DENND4C: variants seen among roughly 807,000 people sequenced by gnomAD.
DENND4C encodes DENN domain containing 4C.
A neutral mutation model predicts 203.0 loss-of-function variants in DENND4C; 108 were observed. The observed-to-expected ratio is 0.53, with a 90% CI of 0.46 to 0.62. The LOEUF (loss-of-function observed/expected upper bound fraction) is 0.62, where lower values mean the gene tolerates loss of function less well. Among genes scored for constraint, DENND4C ranks in the 20% least tolerant of loss-of-function variants. The pLI, the probability that DENND4C is intolerant of heterozygous loss-of-function variation, is 0.00. For missense variants in DENND4C, 2,481 were observed against 2,301.2 expected, an observed-to-expected ratio of 1.08 and a Z score of -1.60; for synonymous variants, 871 against 792.4, an observed-to-expected ratio of 1.10 and a Z score of -1.67.
intron 32 of DENND4C, 60 bp downstream of exon 32, chr9:19,371,880 T>G: frequency 7.4e-7 from 1 of 1,358,740 alleles, no homozygotes; most frequent in South Asian, 1.3e-5. Flanking sequence ...CAAAAGTAAT[T>G]TTTAAAAATG....
intron 1 of DENND4C, among the ~76,000 whole-genome samples, chr9:19,236,531 T>C (rs532819143): frequency 1.4e-3 from 214 of 152,294 alleles, no homozygotes; most frequent in African/African-American, 4.8e-3. Context: ...GACTATATTG[T>C]AGAGAACAGG....
At chr9:19,236,886 C>G (rs1160359460) in intron 1 of DENND4C, among the ~76,000 whole-genome samples, 1 of 152,214 alleles carries the variant, frequency 6.6e-6, no homozygotes, top group Non-Finnish European at 1.5e-5. Context: ...CATTTCTGGT[C>G]CCCAGTCACA....
chr9:19,247,463 A>G (rs944509341), intron 1 of DENND4C, among the ~76,000 whole-genome samples: 10 of 152,208 alleles, frequency 6.6e-5, no homozygotes, highest in Non-Finnish European at 1.5e-4. Flanking sequence ...TGATGCAATT[A>G]TAGCTCATTG....
intron 31 of DENND4C, 70 bp downstream of exon 31, chr9:19,370,057 T>A (rs1339081186): frequency 6.4e-7 from 1 of 1,551,744 alleles, no homozygotes; most frequent in Admixed American, 1.7e-5. Context: ...ATCTTACTTT[T>A]AAAAATATCT....
chr9:19,360,180 G>T (rs1369487240), intron 28 of DENND4C, 64 bp from the exon 29 acceptor site: 13 of 1,506,674 alleles, frequency 8.6e-6, no homozygotes, highest in Non-Finnish European at 1.2e-5. Flanking sequence ...ATCTCATTGA[G>T]AAGTGCTCTT....
intron 1 of DENND4C, among the ~76,000 whole-genome samples, chr9:19,250,350 A>C (rs1826249991): frequency 6.6e-6 from 1 of 152,172 alleles, no homozygotes; most frequent in African/African-American, 2.4e-5. Flanking sequence ...AGGCTGAGAC[A>C]GGAGAATTGC....
At chr9:19,336,581 T>C in intron 19 of DENND4C, 105 bp from the exon 20 acceptor site, 1 of 1,439,700 alleles carries the variant, frequency 6.9e-7, no homozygotes, top group Non-Finnish European at 9.2e-7. Context: ...TTTCCAGAAA[T>C]TTAGAAAGTG....
At chr9:19,320,208 T>C (rs1481939979) in intron 12 of DENND4C, among the ~76,000 whole-genome samples, 4 of 152,192 alleles carry the variant, frequency 2.6e-5, no homozygotes. Flanking sequence ...ACATCTTTTT[T>C]TTTTTTTAAA....
chr9:19,340,618 G>A (rs888757627), intron 20 of DENND4C, among the ~76,000 whole-genome samples: 5 of 151,830 alleles, frequency 3.3e-5, no homozygotes, highest in African/African-American at 1.2e-4. Flanking sequence ...CTGTTTTCTG[G>A]TTTATTTTGC....
intron 9 of DENND4C, among the ~76,000 whole-genome samples, chr9:19,303,217 G>A (rs1838957492): frequency 6.6e-6 from 1 of 152,114 alleles, no homozygotes; most frequent in Non-Finnish European, 1.5e-5. Flanking sequence ...CTCAAAAAGT[G>A]TTGGATTTTG....
At chr9:19,257,218 C>A (rs112781579) in intron 1 of DENND4C, among the ~76,000 whole-genome samples, 12 of 149,898 alleles carry the variant, frequency 8.0e-5, no homozygotes, top group African/African-American at 2.9e-4. Flanking sequence ...AGGCCGGGTG[C>A]GGTGGCTTGC....
Position 19,358,850 on chromosome 9 carries a change from G to A in DENND4C, c.5160+690G>A, listed in dbSNP as rs76946993. 2.2e-4 allele frequency among the ~76,000 whole-genome samples: 34 copies of A among 151,802 alleles called. No homozygotes were observed. The East Asian group carries it at 6.0e-3, about 27-fold the overall frequency. Reference sequence around the variant, plus strand: ...GTCCGGAACCTTGATCAGATTTGGGGTTTTTGTGTTAGTGTTCATTTGCTT... The same window carrying A: ...GTCCGGAACCTTGATCAGATTTGGGATTTTTGTGTTAGTGTTCATTTGCTT... On this transcript the variant is annotated intron_variant, in intron 28 of 32. Transcript: ENST00000434457. The surrounding 1 kb of genome is among the most constrained non-coding windows in gnomAD (Gnocchi z 4.8).
At chr9:19,354,277 C>T (rs1391030006) in intron 26 of DENND4C, among the ~76,000 whole-genome samples, 2 of 152,134 alleles carry the variant, frequency 1.3e-5, no homozygotes, top group Non-Finnish European at 2.9e-5. Context: ...TAATGCAGTG[C>T]ACTGCAAAAT....
rs139309781 is a variant in DENND4C, at chr9:19,316,422, A to T, written c.1493A>T (p.Asp498Val). The change falls in exon 11 of 33, where the codon GAT becomes GTT. Residue 498 changes from aspartate (D) to valine (V), a missense_variant. By Grantham distance (152) the Asp-to-Val change is radical. Around this residue, in one of 3 missense-constraint regions of DENND4C, gnomAD observed 2,289 missense variants for 2,113.3 expected, o/e 1.08. Coordinates refer to ENST00000434457, the MANE Select transcript of DENND4C (RefSeq NM_001330640.2). ...ATTTTGTTCTGATTTAATAGATCAGATGAAAAGAAGAACATGAACTGGAAG... is the reference window on the plus strand; with the variant it reads ...ATTTTGTTCTGATTTAATAGATCAGTTGAAAAGAAGAACATGAACTGGAAG... ...DLDTNMLYVSDEKKNMNWKQL... is the reference protein window; with the variant it reads ...DLDTNMLYVSVEKKNMNWKQL... 1.9e-6 allele frequency: 3 copies of T among 1,612,834 alleles called. No individual in the cohort carries two copies. The highest frequency in any genetic ancestry group is 3.3e-5 in the Admixed American group (2 of 59,850).
At chr9:19,243,501 G>A (rs1386297850) in intron 1 of DENND4C, among the ~76,000 whole-genome samples, 3 of 152,112 alleles carry the variant, frequency 2.0e-5, no homozygotes, top group Non-Finnish European at 2.9e-5. Context: ...CGCTGTACCC[G>A]TTAAGCAGTC....
chr9:19,235,609 C>CTTTTTTTTTTTTTTTT (rs58031665), intron 1 of DENND4C, among the ~76,000 whole-genome samples: 1 of 118,940 alleles, frequency 8.4e-6, no homozygotes, highest in Non-Finnish European at 1.7e-5. Flanking sequence ...GAAGAGTCAT[C>CTTTTTTTTTTTTTTTT]TTTTTTTTTT....
intron 1 of DENND4C, among the ~76,000 whole-genome samples, chr9:19,252,867 C>T (rs1040722613): frequency 6.6e-6 from 1 of 152,070 alleles, no homozygotes; most frequent in Non-Finnish European, 1.5e-5. Context: ...TTCCAAGTAT[C>T]TAGGACCACA....
At chr9:19,311,331 G>A (rs947859480) in intron 10 of DENND4C, among the ~76,000 whole-genome samples, 12 of 151,998 alleles carry the variant, frequency 7.9e-5, no homozygotes, top group South Asian at 6.2e-4. Context: ...TCACCATGTT[G>A]GCCAAGCTGG....
chr9:19,250,660 G>C (rs1006810410), intron 1 of DENND4C, among the ~76,000 whole-genome samples: 19 of 152,162 alleles, frequency 1.2e-4, no homozygotes, highest in African/African-American at 4.6e-4. Context: ...GATTCAATGG[G>C]GGCACAGGCA....
Sources: gnomAD v4.1 joint callset for allele counts (sites outside exome capture counted in the v4.1 genomes callset) on GRCh38, gnomAD v4.1.1 for gene constraint, gnomAD v4.1.1 regional missense constraint, Gnocchi (gnomAD v3.1) non-coding constraint, MANE v1.5 for transcripts, NCBI Gene and HGNC (gene_info 2026-07-23, HGNC 2026-07-21) for gene names.